RBFOX1: variants seen among roughly 807,000 people sequenced by gnomAD.
RBFOX1 encodes the protein RNA binding fox-1 homolog 1, also known as RNA binding protein fox-1 homolog 1.
RBFOX1 carries 8 observed loss-of-function variants against 57.7 expected under a neutral mutation model. The observed-to-expected ratio is 0.14, with a 90% CI of 0.08 to 0.25. RBFOX1 has a LOEUF of 0.25. RBFOX1 is among the 10% of genes least tolerant of loss of function. The probability of loss-of-function intolerance (pLI) is 1.00; values close to 1 mark genes in which losing one functional copy is unlikely to be tolerated. For synonymous variants in RBFOX1, 326 were observed against 222.4 expected (o/e 1.47, Z -4.15); for missense variants, 611 against 548.5 (o/e 1.11, Z -1.14).
At chr16:6,779,658 C>T (rs1314424738) in intron 3 of RBFOX1, among the ~76,000 whole-genome samples, 2 of 140,340 alleles carry the variant, frequency 1.4e-5, no homozygotes, top group African/African-American at 2.6e-5. Flanking sequence ...CCCTCTTCTC[C>T]ATATCCTTAC....
chr16:7,446,298 G>A (rs1369713862), intron 4 of RBFOX1, among the ~76,000 whole-genome samples: 1 of 152,150 alleles, frequency 6.6e-6, no homozygotes, highest in Non-Finnish European at 1.5e-5. Context: ...CTTGTCACTT[G>A]AGTTTGTAAT....
chr16:6,375,288 G>GA (rs144552765), intron 2 of RBFOX1, among the ~76,000 whole-genome samples: 12 of 148,728 alleles, frequency 8.1e-5, no homozygotes, highest in African/African-American at 1.3e-4. Flanking sequence ...CCAGAGTGGG[G>GA]AAAAAAAACA....
chr16:6,502,117 C>G lies in RBFOX1; in HGVS notation c.-63-152486C>G, dbSNP rs150519970. 2.7e-3 allele frequency among the ~76,000 whole-genome samples: 411 copies of G among 152,158 alleles called. 1 individual carries two copies. The highest frequency in any genetic ancestry group is 9.1e-3 in the African/African-American group (376 of 41,538). ...TAACAGAATATTACCCAACTGGAACCAAAAAATTCCTTCAGTGTCCCTTCA... is the reference window on the plus strand; with the variant it reads ...TAACAGAATATTACCCAACTGGAACGAAAAAATTCCTTCAGTGTCCCTTCA... On this transcript the variant is annotated intron_variant, in intron 2 of 15. Coordinates refer to ENST00000550418, the MANE Select transcript of RBFOX1 (RefSeq NM_018723.4).
chr16:6,637,169 A>AAATG lies in RBFOX1; in HGVS notation c.-63-17434_-63-17433insAATG, dbSNP rs1294133989. Among the ~76,000 whole-genome samples, 192 of 65,038 alleles carry AAATG rather than the reference A, an allele frequency of 3.0e-3. 1 individual carries two copies. Among genetic ancestry groups the AAATG allele is most frequent in the African/African-American group, 0.015 (182 of 11,992 alleles). 42.7% of individuals were successfully genotyped at this position (65,038 alleles called of 152,430 possible). A position where few individuals can be genotyped will look rare whatever the true frequency, so the allele number is the denominator to read the frequency against. On this transcript the variant is annotated intron_variant, in intron 2 of 15. Transcript: ENST00000550418. Reference sequence around the variant, plus strand: ...TAATATACAATATATATTATATATTATATATATTATATAATATACAATATA... The same window carrying AAATG: ...TAATATACAATATATATTATATATTAAATGTATATATTATATAATATACAATATA...
In RBFOX1 at chr16:6,558,651, C is replaced by A. The variant is rs1028414701; in HGVS notation, c.-63-95952C>A. The stretch of plus-strand genomic sequence containing the variant: ...GTCTAGAAAAATTGTCCCTTATAAC[C>A]AAAGATGGCTAATTAAACAAAACAA... On this transcript the variant is annotated intron_variant, in intron 2 of 15. Coordinates refer to ENST00000550418, the MANE Select transcript of RBFOX1 (RefSeq NM_018723.4). Among the ~76,000 whole-genome samples, 8 of 152,182 alleles carry A rather than the reference C, an allele frequency of 5.3e-5. 1 individual carries two copies. Among genetic ancestry groups the A allele is most frequent in the Admixed American group, 2.0e-4 (3 of 15,288 alleles).
chr16:6,333,715 C>T (rs1355752189), intron 2 of RBFOX1, among the ~76,000 whole-genome samples: 1 of 152,142 alleles, frequency 6.6e-6, no homozygotes, highest in Non-Finnish European at 1.5e-5. Context: ...GTTTTTAGAT[C>T]ACAGACATTA....
intron 3 of RBFOX1, among the ~76,000 whole-genome samples, chr16:5,774,830 G>A (rs777760779): frequency 3.3e-5 from 5 of 152,048 alleles, no homozygotes; most frequent in African/African-American, 4.8e-5. Context: ...TTGCAGGCAC[G>A]TGCCACCACA....
At chr16:7,589,506 C>T (rs947742039) in intron 7 of RBFOX1, among the ~76,000 whole-genome samples, 2 of 151,142 alleles carry the variant, frequency 1.3e-5, no homozygotes, top group Non-Finnish European at 2.9e-5. Flanking sequence ...TTTTTTTGGT[C>T]TTTATTCTTT....
intron 3 of RBFOX1, among the ~76,000 whole-genome samples, chr16:6,754,555 A>G (rs1350587071): frequency 6.6e-6 from 1 of 152,050 alleles, no homozygotes; most frequent in Non-Finnish European, 1.5e-5. Context: ...TCCCACATAG[A>G]ATTTCTCTCT....
rs2095159057 is a variant in RBFOX1, at chr16:6,470,889, C to A, written c.-64+153832C>A. ...TCAAATATTTACCAAATCCTCTTTT[C>A]CATTATACCGTTACTGCTGTGTCTT... On this transcript the variant is annotated intron_variant, in intron 2 of 15. Transcript: ENST00000550418. 2.0e-5 allele frequency among the ~76,000 whole-genome samples: 3 copies of A among 152,162 alleles called. No individual in the cohort carries two copies. The South Asian group carries it at 6.2e-4, about 32-fold the overall frequency.
At chr16:5,618,889 C>A (rs573883752) in intron 3 of RBFOX1, among the ~76,000 whole-genome samples, 17 of 152,162 alleles carry the variant, frequency 1.1e-4, no homozygotes, top group Non-Finnish European at 2.2e-4. Flanking sequence ...CTTCCTGTTG[C>A]TGCTGGGCAG....
intron 4 of RBFOX1, among the ~76,000 whole-genome samples, chr16:7,417,208 A>G (rs907448450): frequency 6.6e-6 from 1 of 151,784 alleles, no homozygotes; most frequent in Non-Finnish European, 1.5e-5. Context: ...CATCTCTACT[A>G]AAAATACAAA....
intron 2 of RBFOX1, among the ~76,000 whole-genome samples, chr16:5,579,415 T>C (rs1391966695): frequency 1.3e-5 from 2 of 152,166 alleles, no homozygotes; most frequent in Non-Finnish European, 2.9e-5. Context: ...GGGATTCCGC[T>C]TGTGGCCTCT....
At chr16:6,625,630 C>G (rs1323750908) in intron 2 of RBFOX1, among the ~76,000 whole-genome samples, 12 of 152,172 alleles carry the variant, frequency 7.9e-5, no homozygotes, top group Admixed American at 2.6e-4. Context: ...ATTTTCAGAA[C>G]TATGTAGTTC....
intron 3 of RBFOX1, among the ~76,000 whole-genome samples, chr16:6,739,928 A>C (rs1232850511): frequency 6.6e-6 from 1 of 152,098 alleles, no homozygotes; most frequent in Non-Finnish European, 1.5e-5. Context: ...AAGCCATTAC[A>C]CTCTGGTCAC....
chr16:5,877,686 G>A (rs2057650185), intron 4 of RBFOX1, among the ~76,000 whole-genome samples: 1 of 152,236 alleles, frequency 6.6e-6, no homozygotes, highest in Non-Finnish European at 1.5e-5. Flanking sequence ...TACCCTGAAG[G>A]GAGTGTGCCC....
At chr16:7,677,132 T>TACACATACACACACACACACACAC (rs71394335) in intron 14 of RBFOX1, among the ~76,000 whole-genome samples, 42 of 137,862 alleles carry the variant, frequency 3.0e-4, no homozygotes, top group Non-Finnish European at 5.1e-4. Context: ...CACATACACA[T>TACACATACACACACACACACACAC]ACACACACAC....
At chr16:7,263,077 A>G (rs1450560747) in intron 4 of RBFOX1, among the ~76,000 whole-genome samples, 1 of 152,216 alleles carries the variant, frequency 6.6e-6, no homozygotes, top group Admixed American at 6.5e-5. Context: ...GTCTGTCCAC[A>G]ACCTCTGAAT....
At chr16:6,483,623 G>T (rs1196201973) in intron 2 of RBFOX1, 2 of 1,277,212 alleles carry the variant, frequency 1.6e-6, no homozygotes, top group South Asian at 1.3e-5. Flanking sequence ...GGAAGGGAGA[G>T]ACCAGGCAGC....
Sources: allele counts gnomAD v4.1 joint callset (sites outside exome capture counted in the v4.1 genomes callset), GRCh38; gene constraint gnomAD v4.1.1; transcripts MANE v1.5; gene names NCBI Gene and HGNC (gene_info 2026-07-23, HGNC 2026-07-21).